P2RX5: variants seen among roughly 807,000 people sequenced by gnomAD.
The protein encoded by P2RX5 is P2X purinoceptor 5.
P2RX5 carries 46 observed loss-of-function variants against 54.1 expected under a neutral mutation model. That is an observed-to-expected ratio of 0.85 (90% confidence interval 0.67 to 1.09). The LOEUF (loss-of-function observed/expected upper bound fraction) is 1.09, where lower values mean the gene tolerates loss of function less well. Among genes scored for constraint, P2RX5 ranks in the 50% least tolerant of loss-of-function variants. The pLI, the probability that P2RX5 is intolerant of heterozygous loss-of-function variation, is 0.00. For missense variants in P2RX5, 566 were observed against 549.8 expected, an observed-to-expected ratio of 1.03 and a Z score of -0.29; for synonymous variants, 226 against 226.4, an observed-to-expected ratio of 1.00 and a Z score of 0.02.
rs1410609657 is a variant in P2RX5 at position 3,690,072 on chromosome 17, G to C, written c.612C>G (p.Ser204=). The change falls in exon 6 of 12, where the codon TCC becomes TCG. Residue 204 remains serine, a splice_region_variant and synonymous_variant. Transcript: ENST00000225328. ...CCCCAGTAGCCAAGCCCACGTACTT[G>C]GAGAAGTTGAATTTGGGGAAACGGA... is the stretch of plus-strand genomic sequence containing the variant. ...NHIRFPKFNF[S]KSNVMDVKDR... 2 of 1,614,056 alleles carry C rather than the reference G, an allele frequency of 1.2e-6. No individual in the cohort carries two copies. The highest frequency in any genetic ancestry group is 1.7e-6 in the Non-Finnish European group (2 of 1,179,918).
chr17:3,717,075 C>T, the P2RX5 span: 139,145 of 324,734 alleles, frequency 0.43, 33,291 homozygotes, highest in South Asian at 0.59. Context: ...GTTAAAGATG[C>T]TCTGACAGCT....
chr17:3,706,901 C>T, the P2RX5 span, among the ~76,000 whole-genome samples: 5 of 152,186 alleles, frequency 3.3e-5, no homozygotes, highest in Non-Finnish European at 7.3e-5. Flanking sequence ...TGCGCCACTG[C>T]GCCCACCTAT....
the P2RX5 span, among the ~76,000 whole-genome samples, chr17:3,715,600 C>A: frequency 6.6e-6 from 1 of 152,098 alleles, no homozygotes; most frequent in Admixed American, 6.5e-5. Flanking sequence ...TGCCTGTAAC[C>A]CCACCACTTC....
intron 9 of P2RX5, chr17:3,685,649 C>A (rs1439194877): frequency 2.3e-5 from 1 of 42,616 alleles, no homozygotes; most frequent in African/African-American, 3.6e-5. Context: ...ACCCTCCCAG[C>A]GTCCCCCTCC....
At position 3,673,688 on chromosome 17, in the gene P2RX5, C is replaced by CAT; in HGVS notation, c.*179_*180insAT. ...GCCATGATGGGTCCGTCCTGATGACCCCAGCATCAGACGTGGAGGTCACTT... is the reference window on the plus strand; with the variant it reads ...GCCATGATGGGTCCGTCCTGATGACCATCCAGCATCAGACGTGGAGGTCACTT... On this transcript the variant is annotated 3_prime_UTR_variant, in exon 12 of 12. Transcript: ENST00000225328. The CAT allele has an allele frequency of 6.5e-7, 1 of 1,536,848 alleles. No individual in the cohort carries two copies. The highest frequency in any genetic ancestry group is 1.9e-5 in the Admixed American group (1 of 51,858).
At chr17:3,680,807 A>G (rs1191616692) in intron 10 of P2RX5, among the ~76,000 whole-genome samples, 13 of 66,904 alleles carry the variant, frequency 1.9e-4, no homozygotes, top group Admixed American at 3.1e-4. Flanking sequence ...TCCACCCTGC[A>G]TCCTCCACCC....
At chr17:3,690,711 G>A in intron 3 of P2RX5, 31 bp from the exon 4 acceptor site, 1 of 1,608,902 alleles carries the variant, frequency 6.2e-7, no homozygotes, top group Non-Finnish European at 8.5e-7. Context: ...CCTGGATGGG[G>A]GGGTTCCCCC....
chr17:3,710,248 G>A, the P2RX5 span, among the ~76,000 whole-genome samples: 1 of 151,920 alleles, frequency 6.6e-6, no homozygotes, highest in Non-Finnish European at 1.5e-5. Context: ...TCAACATGGT[G>A]AAACCCAGTC....
intron 11 of P2RX5, among the ~76,000 whole-genome samples, chr17:3,676,854 G>A (rs2142994920): frequency 6.6e-6 from 1 of 152,330 alleles, no homozygotes; most frequent in African/African-American, 2.4e-5. Flanking sequence ...CTGAAGTCAG[G>A]AGTTGGAGAC....
At chr17:3,680,919 A>G (rs868519729) in intron 10 of P2RX5, among the ~76,000 whole-genome samples, 52 of 96,058 alleles carry the variant, frequency 5.4e-4, no homozygotes, top group Admixed American at 1.2e-3. Context: ...TCCACCCTGC[A>G]TCCTCCACCC....
At chr17:3,683,486 A>G (rs2050342837) in intron 9 of P2RX5, among the ~76,000 whole-genome samples, 1 of 152,298 alleles carries the variant, frequency 6.6e-6, no homozygotes, top group East Asian at 1.9e-4. Flanking sequence ...TGATCCCAGC[A>G]CTGGGAGGCC....
At position 3,695,871 on chromosome 17, in the gene P2RX5, G is replaced by T. The variant is rs756773196; in HGVS notation, c.135C>A (p.Val45=). The change falls in exon 1 of 12, where the codon GTC becomes GTA. Residue 45 remains valine (V), a splice_region_variant and synonymous_variant. Coordinates refer to ENST00000225328, the MANE Select transcript of P2RX5 (RefSeq NM_002561.4). ...LLQASILAYL[V]VWVFLIKKGY... is the part of the protein sequence containing the mutation. ...CCAAAAGTCCGCGGAGAACTTACAC[G>T]ACCAGGTACGCCAGGATGGAGGCCT... is the stretch of plus-strand genomic sequence containing the variant. 6.5e-7 allele frequency: 1 copy of T among 1,538,562 alleles called. No individual in the cohort carries two copies. The highest frequency in any genetic ancestry group is 1.1e-5 in the South Asian group (1 of 89,980).
At chr17:3,704,551 G>A in the P2RX5 span, among the ~76,000 whole-genome samples, 1 of 152,236 alleles carries the variant, frequency 6.6e-6, no homozygotes. Context: ...CTCTCTGTGG[G>A]AGGCACTTCC....
upstream of P2RX5, among the ~76,000 whole-genome samples, chr17:3,699,605 G>C (rs961147750): frequency 1.3e-5 from 2 of 151,706 alleles, no homozygotes; most frequent in Admixed American, 1.3e-4. Context: ...AAAAGTTTGA[G>C]ACCAGCCTAA....
Position 3,673,568 on chromosome 17 carries a change from G to A in P2RX5, c.*300C>T. On this transcript the variant is annotated 3_prime_UTR_variant, in exon 12 of 12. Transcript: ENST00000225328. ...CTGAGGTGCTCAAGGACTCCGGAAGGAAGTCATGTTCCCCATTTACAACCC... is the reference window on the plus strand; with the variant it reads ...CTGAGGTGCTCAAGGACTCCGGAAGAAAGTCATGTTCCCCATTTACAACCC... The A allele has an allele frequency of 7.3e-7, 1 of 1,366,274 alleles. No individual in the cohort carries two copies. 84.6% of individuals were successfully genotyped at this position (1,366,274 alleles called of 1,614,324 possible). A position where few individuals can be genotyped will look rare whatever the true frequency, so the allele number is the denominator to read the frequency against.
At chr17:3,714,882 G>A in the P2RX5 span, 1 of 1,611,024 alleles carries the variant, frequency 6.2e-7, no homozygotes, top group Non-Finnish European at 8.5e-7. Context: ...TCTGATTTCA[G>A]CTGGGCCTTC....
At chr17:3,718,813 C>A in the P2RX5 span, among the ~76,000 whole-genome samples, 540 of 152,300 alleles carry the variant, frequency 3.5e-3, 1 homozygote, top group Non-Finnish European at 5.7e-3. Context: ...TGGTACCATT[C>A]TCTGTATGGC....
chr17:3,678,817 G>A (rs2142995641), intron 11 of P2RX5, among the ~76,000 whole-genome samples: 1 of 152,314 alleles, frequency 6.6e-6, no homozygotes, highest in South Asian at 2.1e-4. Context: ...GGGGAAAAAA[G>A]GGAAAACAAG....
the P2RX5 span, among the ~76,000 whole-genome samples, chr17:3,702,075 T>C: frequency 6.6e-6 from 1 of 152,212 alleles, no homozygotes; most frequent in African/African-American, 2.4e-5. Context: ...CTGGACTTCC[T>C]GGGTCGAGTG....
Sources: allele counts gnomAD v4.1 joint callset (sites outside exome capture counted in the v4.1 genomes callset), GRCh38; gene constraint gnomAD v4.1.1; transcripts MANE v1.5; gene names NCBI Gene and HGNC (gene_info 2026-07-23, HGNC 2026-07-21).